MAGI3: variants seen among roughly 807,000 people sequenced by gnomAD.
The protein encoded by MAGI3 is membrane-associated guanylate kinase, WW and PDZ domain-containing protein 3.
MAGI3 carries 43 observed loss-of-function variants against 121.8 expected under a neutral mutation model. That is an observed-to-expected ratio of 0.35 (90% CI 0.28 to 0.46). MAGI3 has a LOEUF of 0.46. Ranked by LOEUF, MAGI3 falls within the 20% of genes least tolerant of loss-of-function variation. MAGI3 has a pLI of 1.00. For missense variants in MAGI3, 1,547 were observed against 1,797.3 expected (o/e 0.86, Z 2.52); for synonymous variants, 553 against 639.3 (o/e 0.86, Z 2.04).
chr1:113,633,979 A>G (rs1360737162), intron 9 of MAGI3, among the ~76,000 whole-genome samples: 1 of 151,572 alleles, frequency 6.6e-6, no homozygotes, highest in Non-Finnish European at 1.5e-5. Flanking sequence ...CATTTCTCTG[A>G]TGGCCAGTGA....
At chr1:113,497,015 TG>T (rs1477487887) in intron 1 of MAGI3, among the ~76,000 whole-genome samples, 2 of 152,180 alleles carry the variant, frequency 1.3e-5, no homozygotes, top group African/African-American at 4.8e-5. Context: ...CCCAGCACTT[TG>T]GGAGGCAAAG....
intron 6 of MAGI3, among the ~76,000 whole-genome samples, chr1:113,602,644 A>C (rs906824290): frequency 3.9e-5 from 6 of 152,146 alleles, no homozygotes; most frequent in Non-Finnish European, 8.8e-5. Context: ...ACAAACAAAA[A>C]CAGTAGGCCA....
Position 113,649,225 on chromosome 1 carries a change from G to T in MAGI3, c.2156-12G>T. The T allele has an allele frequency of 1.3e-6, 2 of 1,598,462 alleles. No individual in the cohort carries two copies. Among genetic ancestry groups the T allele is most frequent in the East Asian group, 2.2e-5 (1 of 44,668 alleles). On this transcript the variant is annotated splice_polypyrimidine_tract_variant and intron_variant, in intron 12 of 20. Transcript: ENST00000307546. Reference sequence around the variant, plus strand: ...ATAAATCATAGTATTTATATTTTCTGATTTTCCTCAGCACCAAACACCAAA... The same window carrying T: ...ATAAATCATAGTATTTATATTTTCTTATTTTCCTCAGCACCAAACACCAAA...
intron 2 of MAGI3, among the ~76,000 whole-genome samples, chr1:113,551,844 G>C (rs1659802635): frequency 6.6e-6 from 1 of 151,258 alleles, no homozygotes; most frequent in Non-Finnish European, 1.5e-5. Flanking sequence ...TTTTTTAATG[G>C]TTACCTTGAT....
intron 4 of MAGI3, among the ~76,000 whole-genome samples, chr1:113,586,449 A>G (rs1262974684): frequency 6.6e-6 from 1 of 152,188 alleles, no homozygotes; most frequent in Non-Finnish European, 1.5e-5. Flanking sequence ...TGATATGTAT[A>G]TTTATTGAGT....
chr1:113,455,168 A>G (rs867035476), intron 1 of MAGI3, among the ~76,000 whole-genome samples: 23 of 152,178 alleles, frequency 1.5e-4, no homozygotes, highest in African/African-American at 5.3e-4. Flanking sequence ...ACTTTCTGAA[A>G]AATCCCAATA....
intron 1 of MAGI3, among the ~76,000 whole-genome samples, chr1:113,487,162 G>T (rs1171341823): frequency 1.3e-5 from 2 of 152,132 alleles, no homozygotes; most frequent in Non-Finnish European, 2.9e-5. Flanking sequence ...GATAATCCTT[G>T]ATCACCAAGA....
intron 1 of MAGI3, among the ~76,000 whole-genome samples, chr1:113,475,466 G>T (rs146396978): frequency 1.3e-5 from 2 of 151,794 alleles, no homozygotes; most frequent in Non-Finnish European, 3.0e-5. Flanking sequence ...GAATTTTGTC[G>T]AAGGCCTTCA....
intron 1 of MAGI3, among the ~76,000 whole-genome samples, chr1:113,465,354 T>TG (rs1202595377): frequency 2.0e-5 from 3 of 152,190 alleles, no homozygotes; most frequent in African/African-American, 7.2e-5. Context: ...TCTGTTCCAT[T>TG]GGTCTATGTG....
intron 1 of MAGI3, among the ~76,000 whole-genome samples, chr1:113,418,984 G>T (rs565867551): frequency 2.0e-5 from 3 of 152,046 alleles, no homozygotes; most frequent in African/African-American, 4.8e-5. Context: ...TTTCCTGGAA[G>T]AAATTAATGT....
rs1260671961 is a variant in MAGI3 at position 113,683,302 on chromosome 1, A to G, written c.3734A>G (p.Asn1245Ser). 3 of 1,612,334 alleles carry G rather than the reference A, an allele frequency of 1.9e-6. No homozygotes were observed. The highest frequency in any genetic ancestry group is 2.5e-6 in the Non-Finnish European group (3 of 1,179,564). Residue 1245 changes from asparagine to serine, a missense_variant, in exon 21 of 21, where the codon AAT becomes AGT. Asn to Ser is a conservative substitution (Grantham distance 46). Transcript: ENST00000307546. ...HLDKIPSPLK[N>S]NPKRRPRDQS... ...GATAAGATTCCTAGTCCTCTAAAAA[A>G]TAACCCCAAAAGAAGACCCAGAGAT... is the stretch of plus-strand genomic sequence containing the variant.
chr1:113,672,802 G>T, intron 18 of MAGI3, 61 bp downstream of exon 18: 1 of 1,536,336 alleles, frequency 6.5e-7, no homozygotes, highest in Non-Finnish European at 8.8e-7. Flanking sequence ...ACTGGCATTG[G>T]TGAATTTTTA....
At chr1:113,514,303 C>T (rs907122007) in intron 1 of MAGI3, among the ~76,000 whole-genome samples, 2 of 152,132 alleles carry the variant, frequency 1.3e-5, no homozygotes, top group Admixed American at 6.5e-5. Flanking sequence ...ATAAATCATG[C>T]TGCTATAAAG....
At chr1:113,455,800 CTCTT>C (rs1433218248) in intron 1 of MAGI3, among the ~76,000 whole-genome samples, 1 of 152,128 alleles carries the variant, frequency 6.6e-6, no homozygotes, top group East Asian at 1.9e-4. Context: ...GTATTTATGT[CTCTT>C]TCTCCCCAAG....
At chr1:113,654,448 G>A (rs549170259) in intron 15 of MAGI3, among the ~76,000 whole-genome samples, 208 of 152,218 alleles carry the variant, frequency 1.4e-3, no homozygotes, top group African/African-American at 4.7e-3. Context: ...CAAATATGTC[G>A]TAGATATTTT....
chr1:113,546,909 C>T (rs77968486), intron 1 of MAGI3, among the ~76,000 whole-genome samples: 4,062 of 151,424 alleles, frequency 0.027, 73 homozygotes, highest in Middle Eastern at 0.051. Flanking sequence ...GGTGAAGCCC[C>T]GTCTCTACTA....
At chr1:113,682,787 A>C in intron 20 of MAGI3, 110 bp from the exon 21 acceptor site, 1 of 1,445,162 alleles carries the variant, frequency 6.9e-7, no homozygotes, top group South Asian at 1.6e-5. Flanking sequence ...TAAAATACTC[A>C]GGCTTTTTAA....
rs144491494 is a variant in MAGI3 at position 113,653,931 on chromosome 1, G to A, written c.2542G>A (p.Glu848Lys). The A allele has an allele frequency of 6.2e-7, 1 of 1,614,054 alleles. No homozygotes were observed. The highest frequency in any genetic ancestry group is 1.3e-5 in the African/African-American group (1 of 75,022). ...AEVPARPAPQ[E>K]PYDVVLQRKE... is the part of the protein sequence containing the mutation. ...GGTCCCAGCCAGGCCTGCACCCCAG[G>A]AGCCCTATGATGTTGTCTTGCAACG... Residue 848 changes from glutamate (E) to lysine (K), a missense_variant, in exon 15 of 21, where the codon GAG (glutamate) becomes AAG (lysine). Physicochemically the swap from Glu to Lys is moderately conservative, Grantham distance 56. Coordinates refer to ENST00000307546, the MANE Select transcript of MAGI3 (RefSeq NM_001142782.2).
rs566324088 is a variant in MAGI3 at position 113,665,936 on chromosome 1, A to G, written c.2816-5798A>G. Among the ~76,000 whole-genome samples, 5 of 152,362 alleles carry G rather than the reference A, an allele frequency of 3.3e-5. No homozygotes were observed. In the South Asian group the frequency reaches 1.0e-3, roughly 32 times the overall value. On this transcript the variant is annotated intron_variant, in intron 16 of 20. Coordinates refer to ENST00000307546, the MANE Select transcript of MAGI3 (RefSeq NM_001142782.2). ...TGAATATTGCAATAAAGTGAATCAC[A>G]TGAACTTTTTGGTTTTCTAGTGCAT...
Sources: gnomAD v4.1 joint callset for allele counts (sites outside exome capture counted in the v4.1 genomes callset) on GRCh38, gnomAD v4.1.1 for gene constraint, MANE v1.5 for transcripts, NCBI Gene and HGNC (gene_info 2026-07-23, HGNC 2026-07-21) for gene names.